The following CCDC88A variants were observed in gnomAD, a reference collection of about 807,000 sequenced individuals.
CCDC88A encodes the protein coiled-coil and HOOK domain protein 88A.
CCDC88A carries 54 observed loss-of-function variants against 234.3 expected under a neutral mutation model. The ratio of observed to expected loss-of-function variants is 0.23; its 90% confidence interval spans 0.19 to 0.29. The LOEUF is 0.29. Among genes scored for constraint, CCDC88A ranks in the 10% least tolerant of loss-of-function variants. CCDC88A has a pLI of 1.00. For missense variants in CCDC88A, 1,832 were observed against 2,123.4 expected (o/e 0.86, Z 2.70); for synonymous variants, 753 against 737.8 (o/e 1.02, Z -0.33).
rs770354898 is a variant in CCDC88A at position 55,362,292 on chromosome 2, A to G, written c.627+16T>C. 1.2e-5 allele frequency: 18 copies of G among 1,550,286 alleles called. No homozygotes were observed. Among genetic ancestry groups the G allele is most frequent in the Non-Finnish European group, 1.5e-5 (17 of 1,155,052 alleles). ...GAAAGCAAACTTTCACAATATACTGAAAGAATTTTACAAACCTCTGAATGT... is the reference window on the plus strand; with the variant it reads ...GAAAGCAAACTTTCACAATATACTGGAAGAATTTTACAAACCTCTGAATGT... On this transcript the variant is annotated intron_variant, in intron 7 of 32. Coordinates refer to ENST00000436346, the MANE Select transcript of CCDC88A (RefSeq NM_001365480.1).
At chr2:55,411,127 G>A (rs1680419085) in intron 2 of CCDC88A, among the ~76,000 whole-genome samples, 1 of 152,068 alleles carries the variant, frequency 6.6e-6, no homozygotes, top group South Asian at 2.1e-4. Context: ...TTATACAGAT[G>A]TCCCAGTACC....
At chr2:55,406,225 A>C (rs1204449090) in intron 2 of CCDC88A, 3 of 152,196 alleles carry the variant, frequency 2.0e-5, no homozygotes, top group African/African-American at 7.2e-5. Flanking sequence ...AAAGGTGGAA[A>C]TATAGTCTAA....
At position 55,409,767 on chromosome 2, in the gene CCDC88A, G is replaced by C. The variant is rs190075106; in HGVS notation, c.164+9049C>G. Among the ~76,000 whole-genome samples the C allele has an allele frequency of 5.3e-3, 380 of 71,648 alleles. 5 individuals carry two copies. Among genetic ancestry groups the C allele is most frequent in the African/African-American group, 0.023 (320 of 14,130 alleles). 47.0% of individuals were successfully genotyped at this position (71,648 alleles called of 152,430 possible). ...TTTTTTTTTTTTTTTTTTTCAGACA[G>C]AGTCTCACTGTCACCCAAGCCGGAG... On this transcript the variant is annotated intron_variant, in intron 2 of 32. Transcript: ENST00000436346.
chr2:55,406,410 T>C (rs1488164160), intron 2 of CCDC88A, among the ~76,000 whole-genome samples: 4 of 152,180 alleles, frequency 2.6e-5, no homozygotes, highest in African/African-American at 4.8e-5. Flanking sequence ...TCCATTGATA[T>C]TTCCCTGTAA....
At chr2:55,303,314 TAATGA>T (rs1287511646) in intron 25 of CCDC88A, among the ~76,000 whole-genome samples, 162 bp from the exon 26 acceptor site, 1 of 152,100 alleles carries the variant, frequency 6.6e-6, no homozygotes, top group African/African-American at 2.4e-5. Context: ...TGCTGAGTGA[TAATGA>T]AATATGAAAT....
At chr2:55,358,063 G>C (rs1670825745) in intron 7 of CCDC88A, among the ~76,000 whole-genome samples, 1 of 152,066 alleles carries the variant, frequency 6.6e-6, no homozygotes, top group South Asian at 2.1e-4. Context: ...GGCTACTTTA[G>C]AGTTCCTACT....
chr2:55,291,655 C>T (rs1679463245), intron 32 of CCDC88A, 21 bp downstream of exon 32: 3 of 1,120,576 alleles, frequency 2.7e-6, no homozygotes, highest in Admixed American at 2.1e-5. Context: ...ATCTCATTTA[C>T]ATTTTAAGCA....
At chr2:55,299,781 CCCA>C in intron 29 of CCDC88A, 55 bp downstream of exon 29, 1 of 1,148,868 alleles carries the variant, frequency 8.7e-7, no homozygotes, top group East Asian at 2.4e-5. Flanking sequence ...CATCCCATCT[CCCA>C]CCTTTAAATA....
At chr2:55,409,385 T>C (rs1680093886) in intron 2 of CCDC88A, among the ~76,000 whole-genome samples, 1 of 152,196 alleles carries the variant, frequency 6.6e-6, no homozygotes, top group Non-Finnish European at 1.5e-5. Context: ...CAAGAAGCCT[T>C]TCCTCCATGT....
chr2:55,311,959 C>T (rs1682402784), intron 23 of CCDC88A, among the ~76,000 whole-genome samples: 1 of 152,106 alleles, frequency 6.6e-6, no homozygotes, highest in African/African-American at 2.4e-5. Flanking sequence ...CCAGAAAGAA[C>T]AATTAATTTT....
chr2:55,339,783 T>A, intron 12 of CCDC88A, 135 bp from the exon 13 acceptor site: 1 of 602,442 alleles, frequency 1.7e-6, no homozygotes, highest in Non-Finnish European at 2.7e-6. Context: ...TCAATGAGGT[T>A]ATATAAGATA....
intron 31 of CCDC88A, chr2:55,295,245 G>C: frequency 1.5e-6 from 2 of 1,347,640 alleles, no homozygotes; most frequent in Non-Finnish European, 2.0e-6. Flanking sequence ...TTTCTGTGCA[G>C]GTTTATCCAA....
At chr2:55,409,339 C>T (rs1412977078) in intron 2 of CCDC88A, among the ~76,000 whole-genome samples, 4 of 152,140 alleles carry the variant, frequency 2.6e-5, no homozygotes, top group Non-Finnish European at 5.9e-5. Context: ...ATTTCTCCTA[C>T]GGAGCTCTCA....
rs112770193 is a variant in CCDC88A, at chr2:55,329,821, G to T, written c.2856-1386C>A. Reference sequence around the variant, plus strand: ...GTTGCCCAGGCTGGAGTGCAGTGGCGCAATCTCAGCTCACTGCAATCTCTG... The same window carrying T: ...GTTGCCCAGGCTGGAGTGCAGTGGCTCAATCTCAGCTCACTGCAATCTCTG... On this transcript the variant is annotated intron_variant, in intron 16 of 32. Transcript: ENST00000436346. 1,207 of 152,314 alleles carry T rather than the reference G, an allele frequency of 7.9e-3. 10 individuals are homozygous for T. The highest frequency in any genetic ancestry group is 0.014 in the Middle Eastern group (4 of 294). 9.4% of individuals were successfully genotyped at this position (152,314 alleles called of 1,614,324 possible).
chr2:55,294,764 G>C, intron 31 of CCDC88A: 2 of 1,003,228 alleles, frequency 2.0e-6, no homozygotes, highest in Non-Finnish European at 2.4e-6. Flanking sequence ...CATGCTTCTG[G>C]ATATCAAAGT....
Position 55,328,580 on chromosome 2 carries a change from T to A in CCDC88A, c.2856-145A>T, listed in dbSNP as rs541109376. 47 of 513,532 alleles carry A rather than the reference T, an allele frequency of 9.2e-5. No individual in the cohort carries two copies. In the Middle Eastern group the frequency reaches 2.1e-3, roughly 22 times the overall value. The allele number at this position is 513,532 out of a possible 1,614,324, so 31.8% of individuals were successfully genotyped here. On this transcript the variant is annotated intron_variant, in intron 16 of 32. Coordinates refer to ENST00000436346, the MANE Select transcript of CCDC88A (RefSeq NM_001365480.1). The surrounding 1 kb of genome is among the most constrained non-coding windows in gnomAD (Gnocchi z 4.3). ...GAGGCAAATGAAATTATCCTCTTCT[T>A]ACTGCCCCATTCTCCCTTTAAAACT...
chr2:55,369,126 C>T (rs1233696952), intron 5 of CCDC88A, among the ~76,000 whole-genome samples: 1 of 152,018 alleles, frequency 6.6e-6, no homozygotes, highest in Non-Finnish European at 1.5e-5. Flanking sequence ...CCTCCGCCTC[C>T]TGGGTTCCAG....
rs189432315 is a variant in CCDC88A at position 55,339,248 on chromosome 2, C to T, written c.1518+216G>A. ...TGCTGGGATTACAGGCGTGAGCCCC[C>T]GCACCTGGCCAAGATCAGCTAGTAA... is the stretch of plus-strand genomic sequence containing the variant. On this transcript the variant is annotated intron_variant, in intron 13 of 32. Coordinates refer to ENST00000436346, the MANE Select transcript of CCDC88A (RefSeq NM_001365480.1). The T allele has an allele frequency of 2.0e-3, 915 of 463,704 alleles. 7 individuals are homozygous for T. The highest frequency in any genetic ancestry group is 0.017 in the African/African-American group (807 of 48,584). The allele number at this position is 463,704 out of a possible 1,614,324, so 28.7% of individuals were successfully genotyped here. A position where few individuals can be genotyped will look rare whatever the true frequency, so the allele number is the denominator to read the frequency against.
At position 55,384,596 on chromosome 2, in the gene CCDC88A, T is replaced by C. The variant is rs1452047732; in HGVS notation, c.273+4182A>G. On this transcript the variant is annotated intron_variant, in intron 3 of 32. Coordinates refer to ENST00000436346, the MANE Select transcript of CCDC88A (RefSeq NM_001365480.1). ...GTATATATGTGTATATATACACATATATACGTATATATGTGTATATATACG... is the reference window on the plus strand; with the variant it reads ...GTATATATGTGTATATATACACATACATACGTATATATGTGTATATATACG... 2.2e-5 allele frequency among the ~76,000 whole-genome samples: 3 copies of C among 138,302 alleles called. 1 individual carries two copies. Among genetic ancestry groups the C allele is most frequent in the African/African-American group, 8.5e-5 (3 of 35,150 alleles). The allele number at this position is 138,302 out of a possible 152,430, so 90.7% of individuals were successfully genotyped here.
Sources: allele counts gnomAD v4.1 joint callset (sites outside exome capture counted in the v4.1 genomes callset), GRCh38; gene constraint gnomAD v4.1.1; non-coding constraint Gnocchi (gnomAD v3.1); transcripts MANE v1.5; gene names NCBI Gene and HGNC (gene_info 2026-07-23, HGNC 2026-07-21).